Variants in ZNF609 observed in about 807,000 individuals in gnomAD.
The protein encoded by ZNF609 is zinc finger protein 609.
A neutral mutation model predicts 109.5 loss-of-function variants in ZNF609; 11 were observed. That is an observed-to-expected ratio of 0.10 (90% CI 0.06 to 0.17). The LOEUF (loss-of-function observed/expected upper bound fraction) is 0.17, where lower values mean the gene tolerates loss of function less well. Ranked by LOEUF, ZNF609 falls within the 10% of genes least tolerant of loss-of-function variation. The pLI is 1.00. For synonymous variants in ZNF609, 646 were observed against 662.0 expected (o/e 0.98, Z 0.37); for missense variants, 1,559 against 1,772.4 (o/e 0.88, Z 2.16).
intron 2 of ZNF609, among the ~76,000 whole-genome samples, chr15:64,557,149 C>T (rs1358625026): frequency 6.6e-6 from 1 of 151,022 alleles, no homozygotes; most frequent in Non-Finnish European, 1.5e-5. Context: ...AAATATCTGC[C>T]ACTGAGCAAA....
At chr15:64,498,714 CT>C (rs1893517249) in intron 1 of ZNF609, among the ~76,000 whole-genome samples, 1 of 152,148 alleles carries the variant, frequency 6.6e-6, no homozygotes, top group Non-Finnish European at 1.5e-5. Flanking sequence ...TCTTAGCCCC[CT>C]GTCCTGAAGT....
At position 64,678,186 on chromosome 15, in the gene ZNF609, G is replaced by A. The variant is rs775409845; in HGVS notation, c.3473G>A (p.Arg1158Gln). 9.9e-6 allele frequency: 16 copies of A among 1,614,056 alleles called. No individual in the cohort carries two copies. The highest frequency in any genetic ancestry group is 1.6e-4 in the Middle Eastern group (1 of 6,084). Reference protein sequence around the residue: ...KYSDIKSEDERWKEERDRKLK... With the variant: ...KYSDIKSEDEQWKEERDRKLK... ...TCAGACATCAAGTCAGAGGATGAGC[G>A]GTGGAAGGAGGAGCGGGACCGCAAA... Residue 1158 changes from arginine (R) to glutamine (Q), a missense_variant, in exon 6 of 10, where the codon CGG becomes CAG. This residue lies in a region of ZNF609 where 1,204 missense variants were observed against 1,314.1 expected (regional missense o/e 0.92). Coordinates refer to ENST00000326648, the MANE Select transcript of ZNF609 (RefSeq NM_015042.2).
intron 2 of ZNF609, among the ~76,000 whole-genome samples, chr15:64,590,840 G>A (rs1251019903): frequency 6.6e-6 from 1 of 151,622 alleles, no homozygotes; most frequent in African/African-American, 2.4e-5. Flanking sequence ...TGTGTTTGTT[G>A]GCATTAAAAA....
At chr15:64,610,075 A>G (rs1895692717) in intron 2 of ZNF609, among the ~76,000 whole-genome samples, 1 of 151,998 alleles carries the variant, frequency 6.6e-6, no homozygotes, top group Non-Finnish European at 1.5e-5. Flanking sequence ...GAAGTGTCAC[A>G]CCTGTAATCC....
chr15:64,487,394 A>G (rs567407570), intron 1 of ZNF609, among the ~76,000 whole-genome samples: 1 of 152,304 alleles, frequency 6.6e-6, no homozygotes, highest in East Asian at 1.9e-4. Flanking sequence ...AAAAAGTATA[A>G]TATGTATGTA....
intron 2 of ZNF609, among the ~76,000 whole-genome samples, chr15:64,541,914 A>T (rs1186223017): frequency 2.0e-5 from 3 of 151,606 alleles, no homozygotes; most frequent in Admixed American, 1.3e-4. Context: ...TATTTACTTA[A>T]CTGAAACTTA....
At chr15:64,524,933 C>T (rs986323433) in intron 2 of ZNF609, among the ~76,000 whole-genome samples, 17 of 152,034 alleles carry the variant, frequency 1.1e-4, no homozygotes, top group Admixed American at 3.3e-4. Context: ...TTTACATTCC[C>T]GCTAGCAGTG....
rs1893921351 is a variant in ZNF609, at chr15:64,523,398, A to G, written c.747+23232A>G. ...CAGCACTTTGGTTTGAAGAAATCAG[A>G]CCAGGATTGACTGCCTAATAGTAGG... is the stretch of plus-strand genomic sequence containing the variant. On this transcript the variant is annotated intron_variant, in intron 2 of 9. Coordinates refer to ENST00000326648, the MANE Select transcript of ZNF609 (RefSeq NM_015042.2). Among the ~76,000 whole-genome samples, 5 of 152,184 alleles carry G rather than the reference A, an allele frequency of 3.3e-5. No individual in the cohort carries two copies. In the South Asian group the frequency reaches 1.0e-3, roughly 32 times the overall value.
rs1244869553 is a variant in ZNF609 at position 64,639,827 on chromosome 15, T to G, written c.973+16775T>G. Reference sequence around the variant, plus strand: ...GAAGATTTTCTAGAAATGTGCATAATAATGAGAGACATTGCTTCCCAAAGT... The same window carrying G: ...GAAGATTTTCTAGAAATGTGCATAAGAATGAGAGACATTGCTTCCCAAAGT... On this transcript the variant is annotated intron_variant, in intron 3 of 9. Transcript: ENST00000326648. Among the ~76,000 whole-genome samples, 10 of 152,326 alleles carry G rather than the reference T, an allele frequency of 6.6e-5. No homozygotes were observed. The East Asian group carries it at 1.7e-3, about 26-fold the overall frequency.
chr15:64,649,778 TAA>T (rs550989419), intron 3 of ZNF609, among the ~76,000 whole-genome samples: 1 of 152,154 alleles, frequency 6.6e-6, no homozygotes, highest in Non-Finnish European at 1.5e-5. Context: ...CAAAAGAGAT[TAA>T]AAGGATAGGC....
At chr15:64,548,423 A>G (rs545819619) in intron 2 of ZNF609, among the ~76,000 whole-genome samples, 1 of 152,320 alleles carries the variant, frequency 6.6e-6, no homozygotes, top group South Asian at 2.1e-4. Context: ...GCTTTTCTTT[A>G]CAAGTCGATG....
rs774713232 is a variant in ZNF609 at position 64,674,685 on chromosome 15, G to C, written c.1831G>C (p.Asp611His). The C allele has an allele frequency of 1.1e-5, 17 of 1,614,018 alleles. No homozygotes were observed. Among genetic ancestry groups the C allele is most frequent in the African/African-American group, 1.3e-5 (1 of 74,910 alleles). ...LGALSNDGSD[D>H]GPSVMDETSN... ...GGCCTTATCCAATGATGGCTCTGATGATGGACCCTCAGTGATGGATGAAAC... is the reference window on the plus strand; with the variant it reads ...GGCCTTATCCAATGATGGCTCTGATCATGGACCCTCAGTGATGGATGAAAC... The change falls in exon 5 of 10, where the codon GAT becomes CAT. Residue 611 changes from aspartate (D) to histidine (H), a missense_variant. Coordinates refer to ENST00000326648, the MANE Select transcript of ZNF609 (RefSeq NM_015042.2).
chr15:64,552,269 C>T (rs1184879665), intron 2 of ZNF609, among the ~76,000 whole-genome samples: 2 of 152,030 alleles, frequency 1.3e-5, no homozygotes, highest in African/African-American at 4.8e-5. Flanking sequence ...CTATTTTATT[C>T]CTGAAGTTTT....
At chr15:64,668,690 A>T (rs1896684488) in intron 3 of ZNF609, among the ~76,000 whole-genome samples, 1 of 152,182 alleles carries the variant, frequency 6.6e-6, no homozygotes. Flanking sequence ...GCGGTGGCTC[A>T]TGCCTGTAAT....
At position 64,676,187 on chromosome 15, in the gene ZNF609, C is replaced by T. The variant is rs773436449; in HGVS notation, c.3333C>T (p.Ala1111=). 13 of 1,614,180 alleles carry T rather than the reference C, an allele frequency of 8.1e-6. No homozygotes were observed. The highest frequency in any genetic ancestry group is 1.7e-5 in the Admixed American group (1 of 60,020). ...ATGCCAGCCACCTAAGCAAGGAGGC[C>T]TCTGAGGCCAAGACAGGTGCTGAGT... The part of the protein sequence containing the change: ...LSDASHLSKE[A]SEAKTGAECG... The change falls in exon 5 of 10, where the codon GCC becomes GCT. Residue 1111 remains alanine, a synonymous_variant. Transcript: ENST00000326648.
rs781366560 is a variant in ZNF609 at position 64,674,542 on chromosome 15, G to A, written c.1688G>A (p.Arg563His). The change falls in exon 5 of 10, where the codon CGC becomes CAC. Residue 563 changes from arginine (R) to histidine (H), a missense_variant. By Grantham distance (29) the Arg-to-His change is conservative. Transcript: ENST00000326648. ...CAAAAAGGTTCCTTGTCCCCTGCCC[G>A]CTCAGCTACCCCCAAAGTTCGACTT... ...VSQKGSLSPA[R>H]SATPKVRLVE... 22 of 1,613,884 alleles carry A rather than the reference G, an allele frequency of 1.4e-5. No individual in the cohort carries two copies. Among genetic ancestry groups the A allele is most frequent in the East Asian group, 4.5e-5 (2 of 44,890 alleles).
rs536074003 is a variant in ZNF609 at position 64,554,766 on chromosome 15, C to G, written c.747+54600C>G. The stretch of plus-strand genomic sequence containing the variant: ...CCTCACTTGATCATGATTTATTAAC[C>G]TTTTTATATATTCTTGGATTTGATT... On this transcript the variant is annotated intron_variant, in intron 2 of 9. Coordinates refer to ENST00000326648, the MANE Select transcript of ZNF609 (RefSeq NM_015042.2). 1.4e-3 allele frequency among the ~76,000 whole-genome samples: 219 copies of G among 152,056 alleles called. 1 individual carries two copies. Among genetic ancestry groups the G allele is most frequent in the Non-Finnish European group, 2.3e-3 (158 of 67,990 alleles).
intron 2 of ZNF609, among the ~76,000 whole-genome samples, chr15:64,585,287 T>G (rs963944315): frequency 3.9e-5 from 6 of 152,082 alleles, no homozygotes; most frequent in African/African-American, 1.4e-4. Context: ...ATCGTGTCAC[T>G]GCACTCCAGC....
chr15:64,601,380 A>G (rs1016190007), intron 2 of ZNF609, among the ~76,000 whole-genome samples: 3 of 152,210 alleles, frequency 2.0e-5, no homozygotes, highest in Admixed American at 2.0e-4. Context: ...AGATGATGAC[A>G]CACTCATGTG....
Sources: gnomAD v4.1 joint callset for allele counts (sites outside exome capture counted in the v4.1 genomes callset) on GRCh38, gnomAD v4.1.1 for gene constraint, gnomAD v4.1.1 regional missense constraint, MANE v1.5 for transcripts, NCBI Gene and HGNC (gene_info 2026-07-23, HGNC 2026-07-21) for gene names.